AUTS2: variants seen among roughly 807,000 people sequenced by gnomAD.
AUTS2 encodes the protein activator of transcription and developmental regulator AUTS2.
In AUTS2, 17 loss-of-function variants were observed where a neutral mutation model predicts 112.4. The ratio of observed to expected loss-of-function variants is 0.15; its 90% CI spans 0.10 to 0.23. The LOEUF (loss-of-function observed/expected upper bound fraction) is 0.23. Among genes scored for constraint, AUTS2 ranks in the 10% least tolerant of loss-of-function variants. The pLI is 1.00. For missense variants in AUTS2, 1,510 were observed against 1,701.6 expected (o/e 0.89, Z 1.98); for synonymous variants, 751 against 702.7 (o/e 1.07, Z -1.09).
chr7:70,056,376 G>A (rs1037045637), intron 2 of AUTS2, among the ~76,000 whole-genome samples: 19 of 152,068 alleles, frequency 1.2e-4, no homozygotes, highest in African/African-American at 4.6e-4. Flanking sequence ...ATTCTGAGGG[G>A]GGTTTTCTGT....
At chr7:69,917,459 TGG>T (rs200232968) in intron 2 of AUTS2, among the ~76,000 whole-genome samples, 4 of 145,892 alleles carry the variant, frequency 2.7e-5, no homozygotes, top group African/African-American at 1.1e-4. Flanking sequence ...AAATCAGAAA[TGG>T]ACTATACTAC....
chr7:70,043,666 A>G (rs534261219), intron 2 of AUTS2, among the ~76,000 whole-genome samples: 3 of 145,736 alleles, frequency 2.1e-5, no homozygotes, highest in Non-Finnish European at 3.0e-5. Context: ...CTGGAGTGCA[A>G]TGGCGCAATC....
intron 4 of AUTS2, among the ~76,000 whole-genome samples, chr7:70,355,679 C>T (rs776729387): frequency 3.9e-5 from 6 of 152,108 alleles, no homozygotes; most frequent in Admixed American, 6.5e-5. Context: ...TGGTGTTGCC[C>T]TCCACCGGGG....
chr7:69,635,248 T>C (rs1490068980), intron 1 of AUTS2, among the ~76,000 whole-genome samples: 1 of 152,150 alleles, frequency 6.6e-6, no homozygotes, highest in Non-Finnish European at 1.5e-5. Flanking sequence ...GCTATACAGG[T>C]TTTCATCTCA....
At chr7:70,015,318 T>C (rs1033029717) in intron 2 of AUTS2, among the ~76,000 whole-genome samples, 47 of 152,178 alleles carry the variant, frequency 3.1e-4, no homozygotes, top group Admixed American at 1.1e-3. Flanking sequence ...ATAATCTCAC[T>C]TAGTCCTCAC....
At chr7:70,455,270 A>G (rs906557276) in intron 5 of AUTS2, among the ~76,000 whole-genome samples, 1 of 152,254 alleles carries the variant, frequency 6.6e-6, no homozygotes, top group Middle Eastern at 3.4e-3. Flanking sequence ...GCCCCTAACC[A>G]TGCAGCTTTA....
intron 4 of AUTS2, among the ~76,000 whole-genome samples, chr7:70,221,011 G>C (rs541585444): frequency 6.6e-5 from 10 of 152,234 alleles, no homozygotes; most frequent in Non-Finnish European, 1.2e-4. Context: ...GCCTGCAACT[G>C]CTGGGCTCTG....
At chr7:69,870,436 G>A (rs1213669257) in intron 1 of AUTS2, among the ~76,000 whole-genome samples, 14 of 18,680 alleles carry the variant, frequency 7.5e-4, no homozygotes, top group African/African-American at 2.1e-3. Context: ...ATATCTGTGC[G>A]TATGTGTGTG....
intron 4 of AUTS2, among the ~76,000 whole-genome samples, chr7:70,177,339 C>T (rs915338514): frequency 1.3e-5 from 2 of 151,820 alleles, no homozygotes; most frequent in Admixed American, 6.6e-5. Context: ...ACCTGTGAGT[C>T]GCCATATAGC....
intron 1 of AUTS2, among the ~76,000 whole-genome samples, chr7:69,880,245 A>G (rs1163582833): frequency 6.6e-6 from 1 of 152,148 alleles, no homozygotes; most frequent in East Asian, 1.9e-4. Context: ...GAGAACAGCA[A>G]GGGGGAAATC....
chr7:70,486,004 T>A (rs13308102), intron 5 of AUTS2, among the ~76,000 whole-genome samples: 53,526 of 128,566 alleles, frequency 0.42, 10,394 homozygotes, highest in African/African-American at 0.58. Context: ...AAATAAATAA[T>A]AAATAAATAA....
intron 4 of AUTS2, among the ~76,000 whole-genome samples, chr7:70,237,210 T>C (rs1812373442): frequency 6.6e-6 from 1 of 152,170 alleles, no homozygotes; most frequent in Admixed American, 6.5e-5. Context: ...ATATTGCATT[T>C]TTCAAAGTCT....
chr7:70,716,831 G>T (rs1211546830), intron 6 of AUTS2, among the ~76,000 whole-genome samples: 1 of 151,778 alleles, frequency 6.6e-6, no homozygotes, highest in African/African-American at 2.4e-5. Flanking sequence ...GATGTATTCG[G>T]TTACTTCGTT....
chr7:70,267,631 A>G (rs1200616599), intron 4 of AUTS2, among the ~76,000 whole-genome samples: 1 of 152,210 alleles, frequency 6.6e-6, no homozygotes, highest in Non-Finnish European at 1.5e-5. Flanking sequence ...TGTGACAGTT[A>G]TGAATGATCC....
At position 70,043,733 on chromosome 7, in the gene AUTS2, C is replaced by T. The variant is rs143528988; in HGVS notation, c.523-74399C>T. On this transcript the variant is annotated intron_variant, in intron 2 of 18. Transcript: ENST00000342771. Reference sequence around the variant, plus strand: ...CAAGCAATTCTCCTGCCTCAGCCTCCCGAGTAGCTGGGATTACAGACATGC... The same window carrying T: ...CAAGCAATTCTCCTGCCTCAGCCTCTCGAGTAGCTGGGATTACAGACATGC... 3.7e-3 allele frequency among the ~76,000 whole-genome samples: 556 copies of T among 152,060 alleles called. 5 individuals are homozygous for T. Among genetic ancestry groups the T allele is most frequent in the African/African-American group, 0.012 (507 of 41,446 alleles).
intron 2 of AUTS2, among the ~76,000 whole-genome samples, chr7:69,960,986 G>A (rs1025535275): frequency 3.9e-5 from 6 of 152,062 alleles, no homozygotes; most frequent in African/African-American, 1.4e-4. Context: ...GACTGCCTAG[G>A]ATTTCAGTCT....
intron 5 of AUTS2, among the ~76,000 whole-genome samples, chr7:70,514,442 A>C (rs1799332430): frequency 6.6e-6 from 1 of 152,224 alleles, no homozygotes; most frequent in African/African-American, 2.4e-5. Context: ...TCATGGAAGA[A>C]AGCAAAGAGG....
At chr7:70,762,161 A>C (rs1352311060) in intron 6 of AUTS2, among the ~76,000 whole-genome samples, 7 of 152,232 alleles carry the variant, frequency 4.6e-5, no homozygotes. Flanking sequence ...AATAGAAAAC[A>C]CTTCTCTTTT....
intron 1 of AUTS2, among the ~76,000 whole-genome samples, chr7:69,793,973 C>A (rs1789731071): frequency 6.6e-6 from 1 of 152,118 alleles, no homozygotes; most frequent in Non-Finnish European, 1.5e-5. Context: ...GAATGCCACT[C>A]AAAGCGGGGG....
Sources: allele counts gnomAD v4.1 joint callset (sites outside exome capture counted in the v4.1 genomes callset), GRCh38; gene constraint gnomAD v4.1.1; transcripts MANE v1.5; gene names NCBI Gene and HGNC (gene_info 2026-07-23, HGNC 2026-07-21).